Variants in GLCCI1 observed in about 807,000 individuals in gnomAD.
GLCCI1 encodes the protein glucocorticoid induced 1, also known as glucocorticoid-induced transcript 1 protein.
Under a neutral mutation model 52.2 loss-of-function variants are expected in GLCCI1, and 24 were observed. The observed-to-expected ratio is 0.46, with a 90% confidence interval of 0.33 to 0.65. GLCCI1 has a LOEUF of 0.65. Ranked by LOEUF, GLCCI1 falls within the 30% of genes least tolerant of loss-of-function variation. The pLI, the probability that GLCCI1 is intolerant of heterozygous loss-of-function variation, is 0.02. For synonymous variants in GLCCI1, 310 were observed against 276.5 expected (o/e 1.12, Z -1.20); for missense variants, 704 against 701.5 (o/e 1.00, Z -0.04).
At chr7:8,053,351 T>A (rs1401288355) in intron 3 of GLCCI1, among the ~76,000 whole-genome samples, 1 of 142,730 alleles carries the variant, frequency 7.0e-6, no homozygotes, top group Non-Finnish European at 1.5e-5. Context: ...TTTGAGACAG[T>A]CTCGCACTGT....
chr7:8,074,140 G>T (rs1297032869), intron 6 of GLCCI1, among the ~76,000 whole-genome samples: 1 of 152,200 alleles, frequency 6.6e-6, no homozygotes, highest in African/African-American at 2.4e-5. Flanking sequence ...TTGTACTGGA[G>T]AGTGGAGAAA....
intron 1 of GLCCI1, among the ~76,000 whole-genome samples, chr7:7,972,896 A>AC (rs1368318223): frequency 6.6e-6 from 1 of 152,226 alleles, no homozygotes; most frequent in Non-Finnish European, 1.5e-5. Flanking sequence ...TATATAGCAG[A>AC]CATGGAGTTT....
intron 5 of GLCCI1, among the ~76,000 whole-genome samples, chr7:8,067,456 C>T (rs1233004427): frequency 6.6e-6 from 1 of 152,142 alleles, no homozygotes; most frequent in Non-Finnish European, 1.5e-5. Flanking sequence ...TGTGTAGTTG[C>T]TTTATAGTGT....
intron 5 of GLCCI1, among the ~76,000 whole-genome samples, chr7:8,062,086 C>T (rs142910561): frequency 5.6e-4 from 85 of 152,232 alleles, no homozygotes; most frequent in African/African-American, 2.0e-3. Flanking sequence ...TCCTTAAAAA[C>T]ATCCTCAAAA....
At chr7:8,083,397 T>A (rs1783038453) in intron 6 of GLCCI1, among the ~76,000 whole-genome samples, 1 of 152,064 alleles carries the variant, frequency 6.6e-6, no homozygotes, top group South Asian at 2.1e-4. Flanking sequence ...TGTTTGTTTT[T>A]ATTCATGGAC....
intron 6 of GLCCI1, among the ~76,000 whole-genome samples, chr7:8,080,443 TA>T (rs1444186602): frequency 6.6e-6 from 1 of 151,504 alleles, no homozygotes; most frequent in East Asian, 1.9e-4. Context: ...TTTCTTTGCA[TA>T]GTAGTCTATA....
chr7:7,987,174 C>T (rs1015162042), intron 1 of GLCCI1, among the ~76,000 whole-genome samples: 1 of 152,180 alleles, frequency 6.6e-6, no homozygotes, highest in African/African-American at 2.4e-5. Context: ...CACTATCCTC[C>T]ACTGTGTACC....
intron 6 of GLCCI1, among the ~76,000 whole-genome samples, chr7:8,071,701 T>C (rs1332583113): frequency 1.3e-5 from 2 of 152,158 alleles, no homozygotes; most frequent in Non-Finnish European, 1.5e-5. Context: ...TCTTCTATCC[T>C]TGTGTCTACT....
chr7:8,019,353 T>C lies in GLCCI1; in HGVS notation c.610-3130T>C, dbSNP rs139325750. 8.3e-4 allele frequency among the ~76,000 whole-genome samples: 127 copies of C among 152,332 alleles called. No homozygotes were observed. The East Asian group carries it at 0.02, about 24-fold the overall frequency. On this transcript the variant is annotated intron_variant, in intron 2 of 7. Transcript: ENST00000223145. ...AGGCACATGTGGCTAGTAGCTGTTG[T>C]ATTGGACAATTCAATCTATAGAATA...
intron 1 of GLCCI1, among the ~76,000 whole-genome samples, chr7:7,992,047 CTT>C (rs1780848333): frequency 2.4e-5 from 1 of 40,872 alleles, no homozygotes; most frequent in Non-Finnish European, 5.1e-5. Context: ...TTTATTTTTT[CTT>C]TCTTTCTTTC....
intron 5 of GLCCI1, among the ~76,000 whole-genome samples, chr7:8,064,785 G>C (rs1782593521): frequency 6.6e-6 from 1 of 152,022 alleles, no homozygotes; most frequent in Non-Finnish European, 1.5e-5. Flanking sequence ...TCGGCTCACT[G>C]CAACCTCCAC....
chr7:8,069,532 C>T (rs1489796401), intron 5 of GLCCI1, among the ~76,000 whole-genome samples: 1 of 152,050 alleles, frequency 6.6e-6, no homozygotes, highest in African/African-American at 2.4e-5. Flanking sequence ...GTGCTGCTGG[C>T]CTGAGCCGGG....
chr7:8,031,011 A>G (rs911100791), intron 3 of GLCCI1, among the ~76,000 whole-genome samples: 8 of 152,144 alleles, frequency 5.3e-5, no homozygotes, highest in African/African-American at 1.9e-4. Context: ...TAGAGCTACC[A>G]TATGATCCAG....
At chr7:8,026,627 A>C (rs558152273) in intron 3 of GLCCI1, among the ~76,000 whole-genome samples, 1 of 152,378 alleles carries the variant, frequency 6.6e-6, no homozygotes, top group African/African-American at 2.4e-5. Flanking sequence ...GAAGAAGAGC[A>C]CAGCGACTGG....
At chr7:7,979,960 G>A (rs1780576507) in intron 1 of GLCCI1, among the ~76,000 whole-genome samples, 1 of 151,914 alleles carries the variant, frequency 6.6e-6, no homozygotes, top group South Asian at 2.1e-4. Flanking sequence ...CTTTCTGGCA[G>A]TGTCTCGCTG....
chr7:8,025,846 G>C (rs749872029), intron 3 of GLCCI1, among the ~76,000 whole-genome samples: 1 of 152,198 alleles, frequency 6.6e-6, no homozygotes, highest in Admixed American at 6.5e-5. Flanking sequence ...TGTCAACCAG[G>C]TATTCTATAT....
intron 1 of GLCCI1, among the ~76,000 whole-genome samples, chr7:7,986,221 G>C (rs925135503): frequency 6.6e-6 from 1 of 152,126 alleles, no homozygotes; most frequent in Non-Finnish European, 1.5e-5. Flanking sequence ...TTGAAAAAGT[G>C]ACCTAGTGTG....
At chr7:8,051,610 C>T in intron 3 of GLCCI1, among the ~76,000 whole-genome samples, 1 of 152,208 alleles carries the variant, frequency 6.6e-6, no homozygotes, top group Non-Finnish European at 1.5e-5. Flanking sequence ...CCCTTCACCC[C>T]CAGCAGTGGA....
At chr7:8,045,380 C>T (rs572100632) in intron 3 of GLCCI1, among the ~76,000 whole-genome samples, 7 of 152,180 alleles carry the variant, frequency 4.6e-5, no homozygotes, top group Middle Eastern at 3.4e-3. Context: ...GCCATGCAGA[C>T]GTGGGGAGAG....
Sources: allele counts gnomAD v4.1 joint callset (sites outside exome capture counted in the v4.1 genomes callset), GRCh38; gene constraint gnomAD v4.1.1; transcripts MANE v1.5; gene names NCBI Gene and HGNC (gene_info 2026-07-23, HGNC 2026-07-21).